GABBR2: variants seen among roughly 807,000 people sequenced by gnomAD.
GABBR2 encodes the protein G-protein coupled receptor 51.
Under a neutral mutation model 105.6 loss-of-function variants are expected in GABBR2, and 23 were observed. The ratio of observed to expected loss-of-function variants is 0.22; its 90% CI spans 0.16 to 0.31. The LOEUF is 0.31. GABBR2 is among the 10% of genes least tolerant of loss of function. The pLI, the probability that GABBR2 is intolerant of heterozygous loss-of-function variation, is 1.00. For synonymous variants in GABBR2, 478 were observed against 499.7 expected, an observed-to-expected ratio of 0.96 and a Z score of 0.58; for missense variants, 734 against 1,245.5, an observed-to-expected ratio of 0.59 and a Z score of 6.18.
chr9:98,414,892 G>A (rs1832659961), intron 7 of GABBR2, among the ~76,000 whole-genome samples: 2 of 152,290 alleles, frequency 1.3e-5, no homozygotes, highest in Admixed American at 1.3e-4. Flanking sequence ...AGGAACAGTG[G>A]GGACATGAGA....
chr9:98,667,150 A>G (rs1830347272), intron 1 of GABBR2, among the ~76,000 whole-genome samples: 1 of 152,188 alleles, frequency 6.6e-6, no homozygotes, highest in African/African-American at 2.4e-5. Context: ...GCTGGGGAAT[A>G]TAGAACAGAG....
chr9:98,574,433 G>A (rs774495057), intron 2 of GABBR2, among the ~76,000 whole-genome samples: 1 of 152,218 alleles, frequency 6.6e-6, no homozygotes, highest in African/African-American at 2.4e-5. Context: ...TCCACATGGA[G>A]AGGAGCCACA....
chr9:98,460,799 C>A (rs1300664964), intron 6 of GABBR2, among the ~76,000 whole-genome samples: 7 of 152,140 alleles, frequency 4.6e-5, no homozygotes, highest in Non-Finnish European at 8.8e-5. Context: ...TCCTATGGAG[C>A]TCTATGAACT....
rs140073399 is a variant in GABBR2, at chr9:98,311,122, G to A, written c.1977C>T (p.Ile659=). The A allele has an allele frequency of 9.9e-5, 160 of 1,608,590 alleles. No homozygotes were observed. Among genetic ancestry groups the A allele is most frequent in the African/African-American group, 4.3e-4 (32 of 74,774 alleles). ...ENTHMTIWLG[I]VYAYKGLLML... ...TGAGAAGTCCCTTGTAGGCATAGAC[G>A]ATGCCAAGCCAGATGGTCATATGGG... Residue 659 remains isoleucine (I), a synonymous_variant, in exon 14 of 19, where the codon ATC becomes ATT. Coordinates refer to ENST00000259455, the MANE Select transcript of GABBR2 (RefSeq NM_005458.8).
chr9:98,656,026 C>T (rs1830178718), intron 1 of GABBR2, among the ~76,000 whole-genome samples: 1 of 152,152 alleles, frequency 6.6e-6, no homozygotes, highest in African/African-American at 2.4e-5. Context: ...AACGCAAAGC[C>T]ACTGGGAGTC....
rs566455508 is a variant in GABBR2, at chr9:98,634,552, G to C, written c.322-56480C>G. ...GGGCGTGATGGTGCCACAAGCCAAA[G>C]AACACCAGAGCCACCAGAGCTGGAA... is the stretch of plus-strand genomic sequence containing the variant. On this transcript the variant is annotated intron_variant, in intron 1 of 18. Transcript: ENST00000259455. 2.6e-5 allele frequency among the ~76,000 whole-genome samples: 4 copies of C among 152,246 alleles called. No individual in the cohort carries two copies. In the East Asian group the frequency reaches 7.7e-4, roughly 29 times the overall value.
intron 13 of GABBR2, among the ~76,000 whole-genome samples, chr9:98,322,965 G>C (rs1019669860): frequency 6.6e-6 from 1 of 152,094 alleles, no homozygotes; most frequent in Non-Finnish European, 1.5e-5. Flanking sequence ...CTGTGGGCCA[G>C]ATTCTGTGCT....
chr9:98,416,042 T>A (rs1319194077), intron 7 of GABBR2, among the ~76,000 whole-genome samples: 1 of 152,172 alleles, frequency 6.6e-6, no homozygotes, highest in African/African-American at 2.4e-5. Flanking sequence ...AACAGCTGGC[T>A]TTTTGGGGAG....
chr9:98,552,577 A>C (rs1227237091), intron 2 of GABBR2, among the ~76,000 whole-genome samples: 3 of 152,202 alleles, frequency 2.0e-5, no homozygotes, highest in Admixed American at 2.0e-4. Flanking sequence ...AAAGTGCCTC[A>C]ACATAGATGC....
At chr9:98,538,977 A>T (rs1024058002) in intron 3 of GABBR2, among the ~76,000 whole-genome samples, 7 of 152,178 alleles carry the variant, frequency 4.6e-5, no homozygotes, top group Non-Finnish European at 1.0e-4. Flanking sequence ...TGTCCTCGGG[A>T]AAAAAGGTTT....
chr9:98,336,763 A>T (rs567290248), intron 13 of GABBR2, among the ~76,000 whole-genome samples: 1 of 152,232 alleles, frequency 6.6e-6, no homozygotes, highest in Non-Finnish European at 1.5e-5. Context: ...CAGTAATTAC[A>T]TAAAATGGAT....
At chr9:98,657,190 C>T (rs1265991749) in intron 1 of GABBR2, among the ~76,000 whole-genome samples, 1 of 152,152 alleles carries the variant, frequency 6.6e-6, no homozygotes, top group Non-Finnish European at 1.5e-5. Flanking sequence ...TCCATGATGC[C>T]CCATCTTTAG....
chr9:98,361,400 A>G (rs1407375621), intron 13 of GABBR2, among the ~76,000 whole-genome samples: 1 of 152,178 alleles, frequency 6.6e-6, no homozygotes, highest in Admixed American at 6.5e-5. Flanking sequence ...GCTTTTTATT[A>G]TCACCGCCAC....
rs1324633782 is a variant in GABBR2 at position 98,393,375 on chromosome 9, C to T, written c.1378+800G>A. Reference sequence around the variant, plus strand: ...TCCATCCATCCATCCATCCACACACCCACTCATCCACCCAACCATCCATCC... The same window carrying T: ...TCCATCCATCCATCCATCCACACACTCACTCATCCACCCAACCATCCATCC... On this transcript the variant is annotated intron_variant, in intron 9 of 18. Coordinates refer to ENST00000259455, the MANE Select transcript of GABBR2 (RefSeq NM_005458.8). Among the ~76,000 whole-genome samples the T allele has an allele frequency of 4.8e-5, 7 of 144,650 alleles. No individual in the cohort carries two copies. The East Asian group carries it at 1.4e-3, about 29-fold the overall frequency. The allele number at this position is 144,650 out of a possible 152,430, so 94.9% of individuals were successfully genotyped here.
chr9:98,310,713 C>T (rs1401908677), intron 14 of GABBR2, among the ~76,000 whole-genome samples: 2 of 152,162 alleles, frequency 1.3e-5, no homozygotes, highest in African/African-American at 2.4e-5. Flanking sequence ...AAGAGAGGGT[C>T]CGCTGAAATG....
At chr9:98,505,423 GGTGTGTGTGTGTGTGT>G (rs59702034) in intron 3 of GABBR2, among the ~76,000 whole-genome samples, 1 of 148,392 alleles carries the variant, frequency 6.7e-6, no homozygotes, top group South Asian at 2.2e-4. Context: ...GCTGTATCCA[GGTGTGTGTGTGTGTGT>G]GTGTGTGTGT....
intron 1 of GABBR2, among the ~76,000 whole-genome samples, chr9:98,698,418 G>A (rs1305678548): frequency 6.6e-6 from 1 of 152,016 alleles, no homozygotes; most frequent in African/African-American, 2.4e-5. Flanking sequence ...CCAAAAAAGT[G>A]TTCAATATTC....
At chr9:98,686,908 G>A (rs1830627815) in intron 1 of GABBR2, among the ~76,000 whole-genome samples, 1 of 151,794 alleles carries the variant, frequency 6.6e-6, no homozygotes, top group Admixed American at 6.6e-5. Flanking sequence ...CCTCTCCCCA[G>A]CCCTGTACTT....
intron 1 of GABBR2, among the ~76,000 whole-genome samples, chr9:98,579,643 G>A (rs188438445): frequency 1.6e-4 from 24 of 152,262 alleles, no homozygotes; most frequent in Admixed American, 3.9e-4. Flanking sequence ...CATGAAAATC[G>A]ATAGTGAACA....
Sources: gnomAD v4.1 joint callset for allele counts (sites outside exome capture counted in the v4.1 genomes callset) on GRCh38, gnomAD v4.1.1 for gene constraint, MANE v1.5 for transcripts, NCBI Gene and HGNC (gene_info 2026-07-23, HGNC 2026-07-21) for gene names.